Variants in STXBP5L observed in about 807,000 individuals in gnomAD.
STXBP5L encodes syntaxin binding protein 5L, also known as syntaxin-binding protein 5-like.
Under a neutral mutation model 144.5 loss-of-function variants are expected in STXBP5L, and 65 were observed. That is an observed-to-expected ratio of 0.45 (90% CI 0.37 to 0.55). The LOEUF is 0.55. Among genes scored for constraint, STXBP5L ranks in the 20% least tolerant of loss-of-function variants. The pLI is 0.00. For synonymous variants in STXBP5L, 505 were observed against 469.6 expected (o/e 1.08, Z -0.97); for missense variants, 1,298 against 1,405.5 (o/e 0.92, Z 1.22).
chr3:121,229,590 CT>C (rs2049235965), intron 11 of STXBP5L, among the ~76,000 whole-genome samples: 1 of 152,044 alleles, frequency 6.6e-6, no homozygotes, highest in Admixed American at 6.6e-5. Context: ...GGGTCTTGCC[CT>C]TTTGCCCAGG....
At chr3:121,015,820 A>T (rs1408211729) in intron 3 of STXBP5L, among the ~76,000 whole-genome samples, 1 of 152,194 alleles carries the variant, frequency 6.6e-6, no homozygotes, top group Admixed American at 6.5e-5. Context: ...TTCCTGTCTC[A>T]TCAGATGGGG....
intron 10 of STXBP5L, among the ~76,000 whole-genome samples, chr3:121,214,172 A>AT (rs1045303487): frequency 5.8e-4 from 88 of 151,840 alleles, no homozygotes; most frequent in African/African-American, 1.8e-3. Flanking sequence ...GGATTCATTG[A>AT]TTTTTTTTGA....
intron 5 of STXBP5L, among the ~76,000 whole-genome samples, chr3:121,070,750 A>G (rs992991711): frequency 1.3e-5 from 2 of 152,096 alleles, no homozygotes; most frequent in Non-Finnish European, 2.9e-5. Flanking sequence ...AATATTATTT[A>G]GTTTACTGAG....
At position 121,240,454 on chromosome 3, in the gene STXBP5L, T is replaced by C. The variant is rs1371953638; in HGVS notation, c.1347T>C (p.Ser449=). The change falls in exon 14 of 27, where the codon AGT becomes AGC. Residue 449 remains serine, a synonymous_variant. Transcript: ENST00000471454. The stretch of plus-strand genomic sequence containing the variant: ...AATCTGTTTAGGAGTGGCCAATCAG[T>C]GGAGGAGCTTGGAACCTTGGAGCAC... ...QGYSNKEWPI[S]GGAWNLGAQT... is the part of the protein sequence containing the mutation. 6.2e-7 allele frequency: 1 copy of C among 1,613,394 alleles called. No individual in the cohort carries two copies. The highest frequency in any genetic ancestry group is 8.5e-7 in the Non-Finnish European group (1 of 1,179,680).
At chr3:121,207,848 G>A (rs962601922) in intron 10 of STXBP5L, among the ~76,000 whole-genome samples, 1 of 152,082 alleles carries the variant, frequency 6.6e-6, no homozygotes, top group Non-Finnish European at 1.5e-5. Context: ...TACTGGAGAG[G>A]ATGTGGAGAA....
chr3:120,971,638 T>TACACACACAC (rs10576644), intron 3 of STXBP5L, among the ~76,000 whole-genome samples: 3 of 146,298 alleles, frequency 2.1e-5, no homozygotes, highest in African/African-American at 5.0e-5. Flanking sequence ...CATGCATACA[T>TACACACACAC]ACACACACAC....
At chr3:121,357,641 A>G (rs1393532436) in intron 20 of STXBP5L, 1 of 152,224 alleles carries the variant, frequency 6.6e-6, no homozygotes, top group East Asian at 1.9e-4. Flanking sequence ...TGCAGATTTC[A>G]ACTCTGAAAG....
chr3:121,278,901 G>T (rs958342663), intron 18 of STXBP5L, among the ~76,000 whole-genome samples: 1 of 151,200 alleles, frequency 6.6e-6, no homozygotes, highest in Non-Finnish European at 1.5e-5. Context: ...ATCTAGTATG[G>T]GTAGAAGTGT....
rs1248480929 is a variant in STXBP5L at position 121,342,212 on chromosome 3, T to C, written c.2176+23672T>C. ...AAACCCTTGCTGTTCAAGGATCAAC[T>C]GCATAAACATTTCTCATTCCTAATA... is the stretch of plus-strand genomic sequence containing the variant. On this transcript the variant is annotated intron_variant, in intron 20 of 26. Coordinates refer to ENST00000471454, the MANE Select transcript of STXBP5L (RefSeq NM_001308330.2). Among the ~76,000 whole-genome samples the C allele has an allele frequency of 5.9e-5, 9 of 152,130 alleles. 1 individual carries two copies. The highest frequency in any genetic ancestry group is 5.2e-4 in the Admixed American group (8 of 15,246).
intron 25 of STXBP5L, 100 bp downstream of exon 25, chr3:121,416,068 T>G (rs1360584701): frequency 1.2e-6 from 1 of 844,838 alleles, no homozygotes; most frequent in Admixed American, 2.8e-5. Context: ...TGATCTCAAA[T>G]TCTAGACTAC....
intron 3 of STXBP5L, among the ~76,000 whole-genome samples, chr3:120,995,764 G>A (rs1246589135): frequency 6.6e-6 from 1 of 151,848 alleles, no homozygotes; most frequent in African/African-American, 2.4e-5. Context: ...TATAACTGTG[G>A]ATTCAACAAT....
intron 20 of STXBP5L, among the ~76,000 whole-genome samples, chr3:121,375,594 G>C (rs2046158165): frequency 6.6e-6 from 1 of 152,174 alleles, no homozygotes. Flanking sequence ...TTGTTGTGAA[G>C]GTTAAATGAG....
intron 7 of STXBP5L, among the ~76,000 whole-genome samples, chr3:121,147,131 T>TTATG (rs1218206105): frequency 6.6e-6 from 1 of 152,070 alleles, no homozygotes; most frequent in African/African-American, 2.4e-5. Flanking sequence ...ATATAATACA[T>TTATG]TATGTATATA....
chr3:121,325,150 A>G (rs2044103410), intron 20 of STXBP5L, among the ~76,000 whole-genome samples: 1 of 151,978 alleles, frequency 6.6e-6, no homozygotes, highest in Admixed American at 6.5e-5. Context: ...AAGAAAAAAA[A>G]CACTCAAACA....
At chr3:121,053,826 C>T (rs1420421487) in intron 5 of STXBP5L, among the ~76,000 whole-genome samples, 9 of 151,876 alleles carry the variant, frequency 5.9e-5, no homozygotes, top group African/African-American at 1.7e-4. Flanking sequence ...AGAAAATTTT[C>T]GCAACCTACT....
At chr3:121,347,650 G>A (rs577460145) in intron 20 of STXBP5L, among the ~76,000 whole-genome samples, 1 of 152,104 alleles carries the variant, frequency 6.6e-6, no homozygotes, top group South Asian at 2.1e-4. Context: ...GTCATTTGTA[G>A]TTCTTCTTGA....
At chr3:121,188,602 T>C (rs2047499551) in intron 9 of STXBP5L, among the ~76,000 whole-genome samples, 1 of 152,114 alleles carries the variant, frequency 6.6e-6, no homozygotes, top group African/African-American at 2.4e-5. Context: ...TCAAAAAGCT[T>C]ATCCACCATG....
chr3:120,956,008 T>C (rs1937990696), intron 3 of STXBP5L, among the ~76,000 whole-genome samples: 1 of 152,016 alleles, frequency 6.6e-6, no homozygotes, highest in African/African-American at 2.4e-5. Flanking sequence ...TATTCCATGG[T>C]ATAGATGTAC....
intron 9 of STXBP5L, among the ~76,000 whole-genome samples, chr3:121,177,459 G>A (rs927598828): frequency 6.6e-6 from 1 of 152,046 alleles, no homozygotes; most frequent in African/African-American, 2.4e-5. Context: ...CAATTTGAAT[G>A]GACATTTCTT....
Sources: allele counts gnomAD v4.1 joint callset (sites outside exome capture counted in the v4.1 genomes callset), GRCh38; gene constraint gnomAD v4.1.1; transcripts MANE v1.5; gene names NCBI Gene and HGNC (gene_info 2026-07-23, HGNC 2026-07-21).